KMT2C: variants seen among roughly 807,000 people sequenced by gnomAD.
KMT2C encodes the protein lysine methyltransferase 2C.
A neutral mutation model predicts 507.9 loss-of-function variants in KMT2C; 88 were observed. That is an observed-to-expected ratio of 0.17 (90% CI 0.15 to 0.21). The LOEUF is 0.21. Among genes scored for constraint, KMT2C ranks in the 10% least tolerant of loss-of-function variants. The pLI is 1.00. For missense variants in KMT2C, 4,954 were observed against 5,957.8 expected (o/e 0.83, Z 5.55); for synonymous variants, 2,049 against 2,080.8 (o/e 0.98, Z 0.42).
chr7:152,234,792 A>G (rs2095229855), intron 16 of KMT2C, among the ~76,000 whole-genome samples: 1 of 152,042 alleles, frequency 6.6e-6, no homozygotes, highest in Non-Finnish European at 1.5e-5. Flanking sequence ...GGGCCCAGCT[A>G]CTTGGGAGAC....
At chr7:152,251,435 CATA>C (rs1213169646) in intron 11 of KMT2C, among the ~76,000 whole-genome samples, 3 of 152,160 alleles carry the variant, frequency 2.0e-5, no homozygotes, top group Non-Finnish European at 2.9e-5. Flanking sequence ...AGCTGCCACT[CATA>C]ATGATGAAAA....
chr7:152,303,995 CAA>C (rs940988378), intron 6 of KMT2C, among the ~76,000 whole-genome samples: 4 of 149,048 alleles, frequency 2.7e-5, no homozygotes, highest in African/African-American at 9.9e-5. Flanking sequence ...TCTCCAAAAA[CAA>C]AAAAAAAGAG....
intron 1 of KMT2C, among the ~76,000 whole-genome samples, chr7:152,435,385 T>C (rs1480154865): frequency 6.6e-6 from 1 of 150,728 alleles, no homozygotes; most frequent in South Asian, 2.1e-4. Flanking sequence ...AAAAGTAAAG[T>C]GTGCGGAGCC....
intron 1 of KMT2C, among the ~76,000 whole-genome samples, chr7:152,363,580 GA>G (rs2097213512): frequency 6.6e-6 from 1 of 152,152 alleles, no homozygotes; most frequent in South Asian, 2.1e-4. Context: ...CAAAGGGAAA[GA>G]AACAGGGTGA....
chr7:152,193,119 T>A (rs2093854620), intron 31 of KMT2C, among the ~76,000 whole-genome samples: 1 of 152,150 alleles, frequency 6.6e-6, no homozygotes, highest in Non-Finnish European at 1.5e-5. Context: ...GCAGCTGACG[T>A]GAGTTGTGTT....
At chr7:152,231,463 T>TAC (rs2095108414) in intron 16 of KMT2C, among the ~76,000 whole-genome samples, 1 of 152,298 alleles carries the variant, frequency 6.6e-6, no homozygotes, top group Admixed American at 6.5e-5. Flanking sequence ...ACAACTGAAT[T>TAC]ACTTTTCTTG....
At chr7:152,336,425 GA>G (rs1003426301) in intron 2 of KMT2C, among the ~76,000 whole-genome samples, 2 of 152,052 alleles carry the variant, frequency 1.3e-5, no homozygotes, top group Non-Finnish European at 2.9e-5. Context: ...GACTGCTCTG[GA>G]TAAAAATGAT....
At chr7:152,400,034 C>T (rs2097562541) in intron 1 of KMT2C, among the ~76,000 whole-genome samples, 2 of 152,006 alleles carry the variant, frequency 1.3e-5, no homozygotes, top group Non-Finnish European at 2.9e-5. Context: ...AGAGGCCGGG[C>T]GTGGGGGTTC....
intron 42 of KMT2C, among the ~76,000 whole-genome samples, chr7:152,165,389 G>C (rs555125492): frequency 6.6e-6 from 1 of 152,192 alleles, no homozygotes; most frequent in Admixed American, 6.5e-5. Context: ...CTCATCAAAA[G>C]ACCTTGTACA....
rs991661118 is a variant in KMT2C at position 152,235,194 on chromosome 7, C to T, written c.2769+623G>A. ...ATATTCACTATCATGATTGTGGTAT[C>T]GTTTTCAAGGGTGTATATATATATA... On this transcript the variant is annotated intron_variant, in intron 16 of 58. Coordinates refer to ENST00000262189, the MANE Select transcript of KMT2C (RefSeq NM_170606.3). Among the ~76,000 whole-genome samples, 15 of 138,318 alleles carry T rather than the reference C, an allele frequency of 1.1e-4. 1 individual carries two copies. Among genetic ancestry groups the T allele is most frequent in the African/African-American group, 4.7e-4 (15 of 31,712 alleles). 90.7% of individuals were successfully genotyped at this position (138,318 alleles called of 152,430 possible).
In KMT2C at chr7:152,167,387, A is replaced by T; in HGVS notation, c.9518-9T>A. The T allele has an allele frequency of 6.4e-7, 1 of 1,572,430 alleles. No individual in the cohort carries two copies. The highest frequency in any genetic ancestry group is 8.7e-7 in the Non-Finnish European group (1 of 1,146,406). ...CTTACGCTGTGAATCATCTGAGGAA[A>T]AATTAAAATTCAGTTGTGTTAATTT... On this transcript the variant is annotated splice_polypyrimidine_tract_variant and intron_variant, in intron 41 of 58. Transcript: ENST00000262189.
At chr7:152,266,113 G>A (rs146401091) in intron 7 of KMT2C, among the ~76,000 whole-genome samples, 1 of 152,104 alleles carries the variant, frequency 6.6e-6, no homozygotes, top group Non-Finnish European at 1.5e-5. Context: ...ATTTTTTGAA[G>A]GTTTGATCAT....
intron 1 of KMT2C, among the ~76,000 whole-genome samples, chr7:152,365,045 A>C (rs1359422711): frequency 6.6e-6 from 1 of 152,184 alleles, no homozygotes; most frequent in Non-Finnish European, 1.5e-5. Flanking sequence ...CAGCAAAAGA[A>C]AATACACATT....
At chr7:152,161,975 G>T in intron 43 of KMT2C, 142 bp downstream of exon 43, 1 of 907,722 alleles carries the variant, frequency 1.1e-6, no homozygotes, top group Non-Finnish European at 1.5e-6. Flanking sequence ...TTCCAGAGAG[G>T]TAGAAATGAC....
chr7:152,378,444 G>A (rs144384682), intron 1 of KMT2C, among the ~76,000 whole-genome samples: 1 of 152,222 alleles, frequency 6.6e-6, no homozygotes. Flanking sequence ...GCATTTTTTA[G>A]CAATAAAGTA....
chr7:152,184,809 GCT>G lies in KMT2C; in HGVS notation c.5082+747_5082+748del, dbSNP rs201142899. ...TTTTTTGACCTAGCAGGGTGGTCTT[GCT>G]CTGTCACCTAGGCTGGAATGCAGTC... On this transcript the variant is annotated intron_variant, in intron 34 of 58. Coordinates refer to ENST00000262189, the MANE Select transcript of KMT2C (RefSeq NM_170606.3). Among the ~76,000 whole-genome samples, 1,116 of 152,290 alleles carry G rather than the reference GCT, an allele frequency of 7.3e-3. 9 individuals carry two copies. Among genetic ancestry groups the G allele is most frequent in the Non-Finnish European group, 0.013 (865 of 68,024 alleles).
At chr7:152,259,263 G>C (rs968643396) in intron 9 of KMT2C, among the ~76,000 whole-genome samples, 23 of 152,136 alleles carry the variant, frequency 1.5e-4, no homozygotes, top group African/African-American at 4.8e-4. Context: ...TAGTACATTA[G>C]ATAAACATAC....
chr7:152,395,496 A>AGTTTTGTTTT (rs142333055), intron 1 of KMT2C, among the ~76,000 whole-genome samples: 35 of 150,616 alleles, frequency 2.3e-4, no homozygotes, highest in African/African-American at 7.6e-4. Flanking sequence ...ACCATTTTTA[A>AGTTTTGTTTT]GTTTTGTTTT....
chr7:152,257,895 C>A (rs2095688520), intron 9 of KMT2C, among the ~76,000 whole-genome samples: 2 of 151,544 alleles, frequency 1.3e-5, no homozygotes, highest in Non-Finnish European at 2.9e-5. Flanking sequence ...AAAAAAAACA[C>A]CTCATAATGT....
Sources: gnomAD v4.1 joint callset for allele counts (sites outside exome capture counted in the v4.1 genomes callset) on GRCh38, gnomAD v4.1.1 for gene constraint, MANE v1.5 for transcripts, NCBI Gene and HGNC (gene_info 2026-07-23, HGNC 2026-07-21) for gene names.